The following DIP2B variants were observed in gnomAD, a reference collection of about 807,000 sequenced individuals.
DIP2B encodes the protein DIP2 acetate--CoA ligase B (putative), also known as disco-interacting protein 2 homolog B.
DIP2B carries 76 observed loss-of-function variants against 198.0 expected under a neutral mutation model. The observed-to-expected ratio is 0.38, with a 90% CI of 0.32 to 0.46. The LOEUF is 0.46. Ranked by LOEUF, DIP2B falls within the 20% of genes least tolerant of loss-of-function variation. The pLI, the probability that DIP2B is intolerant of heterozygous loss-of-function variation, is 0.99. For synonymous variants in DIP2B, 701 were observed against 739.1 expected (o/e 0.95, Z 0.84); for missense variants, 1,559 against 1,978.4 (o/e 0.79, Z 4.02).
chr12:50,626,394 A>G (rs532417327), intron 2 of DIP2B, among the ~76,000 whole-genome samples: 1 of 152,336 alleles, frequency 6.6e-6, no homozygotes, highest in African/African-American at 2.4e-5. Flanking sequence ...GAAGAGCAAG[A>G]GGGAGGAAGG....
chr12:50,652,323 T>TAA (rs1488575816), intron 3 of DIP2B, among the ~76,000 whole-genome samples: 3 of 129,278 alleles, frequency 2.3e-5, no homozygotes, highest in Non-Finnish European at 3.2e-5. Context: ...AATATATATA[T>TAA]TATATATATA....
In DIP2B at chr12:50,640,773, A is replaced by C; in HGVS notation, c.222A>C (p.Pro74=). The change falls in exon 3 of 38, where the codon CCA becomes CCC. Residue 74 remains proline (P), a synonymous_variant. Coordinates refer to ENST00000301180, the MANE Select transcript of DIP2B (RefSeq NM_173602.3). ...AACTTAGAAACCAGACACCTGCTCC[A>C]TCTGCAGCTCAAACTTCTGCTCCCT... is the stretch of plus-strand genomic sequence containing the variant. ...QKELRNQTPA[P]SAAQTSAPSK... 6.2e-7 allele frequency: 1 copy of C among 1,614,040 alleles called. No individual in the cohort carries two copies. The highest frequency in any genetic ancestry group is 8.5e-7 in the Non-Finnish European group (1 of 1,179,922).
chr12:50,630,080 G>A (rs901400897), intron 2 of DIP2B, among the ~76,000 whole-genome samples: 4 of 151,404 alleles, frequency 2.6e-5, no homozygotes, highest in African/African-American at 9.7e-5. Flanking sequence ...CTCCCAAGTA[G>A]CTGAGACTAC....
intron 19 of DIP2B, among the ~76,000 whole-genome samples, chr12:50,703,194 G>A (rs1939452992): frequency 6.6e-6 from 1 of 150,674 alleles, no homozygotes. Context: ...TTGCACTCCA[G>A]CCTGGGCAAC....
In DIP2B at chr12:50,683,184, C is replaced by G. The variant is rs1565869711; in HGVS notation, c.1253C>G (p.Ala418Gly). The G allele has an allele frequency of 6.2e-7, 1 of 1,612,926 alleles. No individual in the cohort carries two copies. Among genetic ancestry groups the G allele is most frequent in the Non-Finnish European group, 8.5e-7 (1 of 1,179,632 alleles). The change falls in exon 10 of 38, where the codon GCT (alanine) becomes GGT (glycine). Residue 418 changes from alanine (A) to glycine (G), a missense_variant. Physicochemically the swap from Ala to Gly is moderately conservative, Grantham distance 60 (BLOSUM62 0). Transcript: ENST00000301180. ...AATGATCCAGTCATGTTTATGGTGG[C>G]TTTCTATGGATGCCTCCTGGCAGAA... Reference protein sequence around the residue: ...PNNDPVMFMVAFYGCLLAEVI... With the variant: ...PNNDPVMFMVGFYGCLLAEVI...
At chr12:50,625,517 A>C (rs1007228495) in intron 1 of DIP2B, among the ~76,000 whole-genome samples, 2 of 152,176 alleles carry the variant, frequency 1.3e-5, no homozygotes, top group Non-Finnish European at 2.9e-5. Flanking sequence ...AGTCCTTTTA[A>C]TTATCCCATC....
chr12:50,698,320 C>T lies in DIP2B; in HGVS notation c.2049-8C>T, dbSNP rs556412634. 3.7e-6 allele frequency: 6 copies of T among 1,606,452 alleles called. No homozygotes were observed. Among genetic ancestry groups the T allele is most frequent in the Non-Finnish European group, 5.1e-6 (6 of 1,177,276 alleles). On this transcript the variant is annotated splice_polypyrimidine_tract_variant and splice_region_variant and intron_variant, in intron 17 of 37. Coordinates refer to ENST00000301180, the MANE Select transcript of DIP2B (RefSeq NM_173602.3). ...CATTCACCAAACTTGATGGGTTCTT[C>T]TTTTCAGGCCTGGAGTTCCAGGAGC...
intron 1 of DIP2B, among the ~76,000 whole-genome samples, chr12:50,586,684 T>C (rs1958773613): frequency 6.6e-6 from 1 of 152,158 alleles, no homozygotes; most frequent in African/African-American, 2.4e-5. Flanking sequence ...GCGATTCTCC[T>C]GCCTCAGCCT....
intron 1 of DIP2B, among the ~76,000 whole-genome samples, chr12:50,531,242 G>A (rs998558873): frequency 2.6e-5 from 4 of 152,106 alleles, no homozygotes; most frequent in Non-Finnish European, 4.4e-5. Flanking sequence ...TAGAGATGGG[G>A]TTTCACCATG....
intron 7 of DIP2B, among the ~76,000 whole-genome samples, chr12:50,675,679 C>T (rs543577005): frequency 6.6e-6 from 1 of 152,126 alleles, no homozygotes; most frequent in African/African-American, 2.4e-5. Context: ...CACCATGGAG[C>T]ATAGAACTGT....
chr12:50,655,004 T>C (rs1294846871), intron 3 of DIP2B: 1 of 450,654 alleles, frequency 2.2e-6, no homozygotes, highest in South Asian at 1.6e-5. Flanking sequence ...TTTGCTTTTT[T>C]ATTTAGAATT....
rs762171025 is a variant in DIP2B, at chr12:50,686,690, C to T, written c.1551+8C>T. 3 of 1,610,802 alleles carry T rather than the reference C, an allele frequency of 1.9e-6. No individual in the cohort carries two copies. The highest frequency in any genetic ancestry group is 1.7e-4 in the Middle Eastern group (1 of 6,056). On this transcript the variant is annotated splice_region_variant and intron_variant, in intron 12 of 37. Coordinates refer to ENST00000301180, the MANE Select transcript of DIP2B (RefSeq NM_173602.3). ...GAACCGGCATACATTGAGGTAAGTC[C>T]TAAGATGTAAAATATGCTTTCAGGC...
intron 1 of DIP2B, among the ~76,000 whole-genome samples, chr12:50,532,198 T>C (rs748462686): frequency 1.3e-5 from 2 of 152,168 alleles, no homozygotes; most frequent in Admixed American, 6.5e-5. Flanking sequence ...CCTAGTGGCC[T>C]TATGAGTATT....
rs567076059 is a variant in DIP2B, at chr12:50,723,148, T to C, written c.3167-54T>C. 1.3e-5 allele frequency: 20 copies of C among 1,594,976 alleles called. No individual in the cohort carries two copies. The East Asian group carries it at 4.5e-4, about 36-fold the overall frequency. ...TTTGGAAAATTTGCCTTTTAGTTTCTCAGTGCTCTTAGGCAGTTCAGTGAC... is the reference window on the plus strand; with the variant it reads ...TTTGGAAAATTTGCCTTTTAGTTTCCCAGTGCTCTTAGGCAGTTCAGTGAC... On this transcript the variant is annotated intron_variant, in intron 26 of 37. Transcript: ENST00000301180.
Position 50,748,166 on chromosome 12 carries a change from C to CA in DIP2B, c.*3330dup, listed in dbSNP as rs1226626545. 6.6e-6 allele frequency: 1 copy of CA among 152,608 alleles called. No homozygotes were observed. The highest frequency in any genetic ancestry group is 1.5e-5 in the Non-Finnish European group (1 of 68,030). The allele number at this position is 152,608 out of a possible 1,614,324, so 9.5% of individuals were successfully genotyped here. ...CAGGCATGGTGCTCTATATCTTGGCCAAATAAATTACTTTCCTTGAATATC... is the reference window on the plus strand; with the variant it reads ...CAGGCATGGTGCTCTATATCTTGGCCAAAATAAATTACTTTCCTTGAATATC... On this transcript the variant is annotated 3_prime_UTR_variant, in exon 38 of 38. Coordinates refer to ENST00000301180, the MANE Select transcript of DIP2B (RefSeq NM_173602.3).
chr12:50,741,982 G>A (rs1940252164), intron 37 of DIP2B, among the ~76,000 whole-genome samples: 4 of 152,188 alleles, frequency 2.6e-5, no homozygotes, highest in Non-Finnish European at 5.9e-5. Flanking sequence ...TAAATGGTAA[G>A]CAGATGAAAA....
chr12:50,680,912 G>C (rs1332131337), intron 9 of DIP2B, 149 bp downstream of exon 9: 1 of 789,930 alleles, frequency 1.3e-6, no homozygotes, highest in African/African-American at 1.7e-5. Flanking sequence ...TTCCAACGCA[G>C]GTTAGCCCAA....
At chr12:50,694,504 AATAC>A (rs59419587) in intron 14 of DIP2B, among the ~76,000 whole-genome samples, 6,271 of 143,582 alleles carry the variant, frequency 0.044, 135 homozygotes, top group South Asian at 0.057. Flanking sequence ...CAGATAAATA[AATAC>A]ATACATACAT....
intron 1 of DIP2B, among the ~76,000 whole-genome samples, chr12:50,523,738 T>C (rs1958139793): frequency 6.6e-6 from 1 of 152,138 alleles, no homozygotes; most frequent in Non-Finnish European, 1.5e-5. Context: ...ATGCCCAAAT[T>C]CTTATATATA....
Sources: gnomAD v4.1 joint callset for allele counts (sites outside exome capture counted in the v4.1 genomes callset) on GRCh38, gnomAD v4.1.1 for gene constraint, MANE v1.5 for transcripts, NCBI Gene and HGNC (gene_info 2026-07-23, HGNC 2026-07-21) for gene names.